SNTG1: variants seen among roughly 807,000 people sequenced by gnomAD.
SNTG1 encodes the protein syntrophin gamma 1.
SNTG1 carries 39 observed loss-of-function variants against 74.7 expected under a neutral mutation model. The observed-to-expected ratio is 0.52, with a 90% CI of 0.40 to 0.68. The LOEUF (loss-of-function observed/expected upper bound fraction) is 0.68. Among genes scored for constraint, SNTG1 ranks in the 30% least tolerant of loss-of-function variants. SNTG1 has a pLI of 0.00. For synonymous variants in SNTG1, 254 were observed against 217.1 expected, an observed-to-expected ratio of 1.17 and a Z score of -1.49; for missense variants, 685 against 609.5, an observed-to-expected ratio of 1.12 and a Z score of -1.30.
At chr8:50,662,071 T>A (rs1283233550) in intron 15 of SNTG1, among the ~76,000 whole-genome samples, 1 of 152,062 alleles carries the variant, frequency 6.6e-6, no homozygotes, top group African/African-American at 2.4e-5. Context: ...AGGAAGCCAG[T>A]CAGATAGGTG....
At chr8:50,418,182 A>T (rs757226822) in intron 4 of SNTG1, among the ~76,000 whole-genome samples, 3 of 152,074 alleles carry the variant, frequency 2.0e-5, no homozygotes, top group Admixed American at 1.3e-4. Flanking sequence ...CATCCCCCAA[A>T]TTCAGTAATT....
At chr8:50,591,091 C>T (rs1193520293) in intron 13 of SNTG1, among the ~76,000 whole-genome samples, 174 bp downstream of exon 13, 1 of 151,856 alleles carries the variant, frequency 6.6e-6, no homozygotes, top group Non-Finnish European at 1.5e-5. Flanking sequence ...ATATTGGTTC[C>T]TCTACTTATA....
At chr8:50,186,177 A>C (rs1355214952) in intron 2 of SNTG1, among the ~76,000 whole-genome samples, 1 of 152,082 alleles carries the variant, frequency 6.6e-6, no homozygotes, top group Non-Finnish European at 1.5e-5. Context: ...AAAGGACATG[A>C]TCTCATTCTT....
chr8:50,303,887 A>G (rs2089761602), intron 2 of SNTG1, among the ~76,000 whole-genome samples: 1 of 152,158 alleles, frequency 6.6e-6, no homozygotes. Context: ...ACTTTAAAAA[A>G]GAATCATATT....
intron 13 of SNTG1, among the ~76,000 whole-genome samples, chr8:50,643,383 G>A (rs11991963): frequency 4.5e-4 from 68 of 151,984 alleles, no homozygotes; most frequent in South Asian, 6.2e-4. Flanking sequence ...GGTAATTGCC[G>A]TGGTCTCCCC....
At chr8:50,222,878 A>G (rs765295798) in intron 2 of SNTG1, among the ~76,000 whole-genome samples, 1 of 152,170 alleles carries the variant, frequency 6.6e-6, no homozygotes, top group Non-Finnish European at 1.5e-5. Flanking sequence ...GCTTTAATTT[A>G]TTTCTGTAAA....
intron 1 of SNTG1, among the ~76,000 whole-genome samples, chr8:50,123,835 A>T (rs2081065731): frequency 7.0e-6 from 1 of 142,658 alleles, no homozygotes; most frequent in Non-Finnish European, 1.6e-5. Flanking sequence ...TGCTTTCTTA[A>T]GTGATGTGCC....
At position 50,214,174 on chromosome 8, in the gene SNTG1, C is replaced by T. The variant is rs941850202; in HGVS notation, c.-28+41539C>T. On this transcript the variant is annotated intron_variant, in intron 2 of 18. Transcript: ENST00000642720. ...ATCACAAGAACAAAAAACCAAACAC[C>T]GCATATTCTCACTCATAGGTGGGAA... Among the ~76,000 whole-genome samples the T allele has an allele frequency of 2.1e-3, 301 of 145,386 alleles. 2 individuals carry two copies. Among genetic ancestry groups the T allele is most frequent in the African/African-American group, 7.1e-3 (278 of 39,030 alleles).
intron 9 of SNTG1, 145 bp downstream of exon 9, chr8:50,503,025 C>A: frequency 3.3e-6 from 2 of 613,716 alleles, no homozygotes; most frequent in South Asian, 2.6e-5. Context: ...GTTCTACTAA[C>A]CTTTATGAAA....
chr8:50,224,711 C>T (rs1379154858), intron 2 of SNTG1, among the ~76,000 whole-genome samples: 2 of 152,132 alleles, frequency 1.3e-5, no homozygotes, highest in Non-Finnish European at 2.9e-5. Flanking sequence ...GTTATACTTT[C>T]CTCCCTTTGG....
At chr8:50,615,516 T>G (rs1353210416) in intron 13 of SNTG1, among the ~76,000 whole-genome samples, 1 of 152,118 alleles carries the variant, frequency 6.6e-6, no homozygotes, top group Non-Finnish European at 1.5e-5. Context: ...GTCGACAACA[T>G]GTTTCTACTA....
chr8:50,611,770 A>C (rs996121553), intron 13 of SNTG1, among the ~76,000 whole-genome samples: 5 of 152,002 alleles, frequency 3.3e-5, no homozygotes, highest in African/African-American at 1.2e-4. Flanking sequence ...AATTTACTTT[A>C]ATTTAATTTT....
intron 1 of SNTG1, among the ~76,000 whole-genome samples, chr8:50,063,542 G>T (rs894551920): frequency 6.6e-6 from 1 of 152,096 alleles, no homozygotes; most frequent in Admixed American, 6.5e-5. Flanking sequence ...CAAAGCATTG[G>T]CTTATCCCCC....
At chr8:50,225,014 A>G (rs1377488000) in intron 2 of SNTG1, among the ~76,000 whole-genome samples, 1 of 151,920 alleles carries the variant, frequency 6.6e-6, no homozygotes, top group East Asian at 1.9e-4. Context: ...TCTGTTGCCC[A>G]GGCTGGAGTG....
chr8:50,661,152 A>C (rs1278970486), intron 15 of SNTG1, among the ~76,000 whole-genome samples: 5 of 152,168 alleles, frequency 3.3e-5, no homozygotes, highest in African/African-American at 1.2e-4. Flanking sequence ...AATGCAGAAA[A>C]AGCCACTGCT....
At chr8:49,986,864 G>A (rs1813209989) in intron 1 of SNTG1, among the ~76,000 whole-genome samples, 1 of 152,006 alleles carries the variant, frequency 6.6e-6, no homozygotes, top group Admixed American at 6.6e-5. Context: ...AGTGAGCCAC[G>A]GTCTCAAAAT....
At chr8:50,744,394 G>C (rs2095550575) in intron 17 of SNTG1, among the ~76,000 whole-genome samples, 1 of 151,910 alleles carries the variant, frequency 6.6e-6, no homozygotes, top group African/African-American at 2.4e-5. Flanking sequence ...TGAAAGTCTT[G>C]TATACTAAAA....
At chr8:49,958,791 T>C (rs906589643) in intron 1 of SNTG1, among the ~76,000 whole-genome samples, 4 of 152,228 alleles carry the variant, frequency 2.6e-5, no homozygotes, top group Non-Finnish European at 4.4e-5. Flanking sequence ...AAAAACAGTA[T>C]AGCACATAAT....
chr8:50,623,844 A>T (rs1015743401), intron 13 of SNTG1, among the ~76,000 whole-genome samples: 68 of 152,000 alleles, frequency 4.5e-4, no homozygotes, highest in African/African-American at 1.5e-3. Flanking sequence ...ATCATATGTA[A>T]TTTTTGTTGA....
Sources: gnomAD v4.1 joint callset for allele counts (sites outside exome capture counted in the v4.1 genomes callset) on GRCh38, gnomAD v4.1.1 for gene constraint, MANE v1.5 for transcripts, NCBI Gene and HGNC (gene_info 2026-07-23, HGNC 2026-07-21) for gene names.